EPHA5: variants seen among roughly 807,000 people sequenced by gnomAD.
EPHA5 encodes the protein ephrin type-A receptor 5.
A neutral mutation model predicts 105.0 loss-of-function variants in EPHA5; 60 were observed. The observed-to-expected ratio is 0.57, with a 90% CI of 0.46 to 0.71. The LOEUF (loss-of-function observed/expected upper bound fraction) is 0.71. EPHA5 is among the 30% of genes least tolerant of loss of function. The probability of loss-of-function intolerance (pLI) is 0.00; values close to 1 mark genes in which losing one functional copy is unlikely to be tolerated. For synonymous variants in EPHA5, 513 were observed against 449.1 expected, an observed-to-expected ratio of 1.14 and a Z score of -1.80; for missense variants, 1,218 against 1,274.7, an observed-to-expected ratio of 0.96 and a Z score of 0.68.
chr4:65,615,283 T>G (rs2149465980), intron 2 of EPHA5, among the ~76,000 whole-genome samples: 1 of 150,750 alleles, frequency 6.6e-6, no homozygotes, highest in East Asian at 1.9e-4. Flanking sequence ...ATTTAAAAAC[T>G]TAGGTAGAAA....
At chr4:65,630,962 T>TA (rs1356468426) in intron 2 of EPHA5, among the ~76,000 whole-genome samples, 1 of 152,160 alleles carries the variant, frequency 6.6e-6, no homozygotes, top group Non-Finnish European at 1.5e-5. Context: ...TTGGATGAAA[T>TA]ACTTCCTCTA....
intron 3 of EPHA5, among the ~76,000 whole-genome samples, chr4:65,519,535 A>G (rs925553167): frequency 1.1e-4 from 17 of 151,654 alleles, no homozygotes; most frequent in Non-Finnish European, 2.4e-4. Flanking sequence ...CAGGGCAATT[A>G]GGCAGGAGAA....
intron 7 of EPHA5, among the ~76,000 whole-genome samples, chr4:65,412,154 G>A (rs946374196): frequency 2.6e-5 from 4 of 152,182 alleles, no homozygotes; most frequent in Non-Finnish European, 4.4e-5. Context: ...CTTGAACTCA[G>A]GAGGTGGAGG....
At chr4:65,494,933 A>G (rs571136503) in intron 4 of EPHA5, among the ~76,000 whole-genome samples, 4 of 151,942 alleles carry the variant, frequency 2.6e-5, no homozygotes, top group African/African-American at 9.7e-5. Context: ...TAATTATGTG[A>G]TGGGAAAACT....
Position 65,323,552 on chromosome 4 carries a change from G to A in EPHA5, c.*562C>T. 2 of 230,038 alleles carry A rather than the reference G, an allele frequency of 8.7e-6. No individual in the cohort carries two copies. Among genetic ancestry groups the A allele is most frequent in the Non-Finnish European group, 8.6e-6 (1 of 116,034 alleles). 14.2% of individuals were successfully genotyped at this position (230,038 alleles called of 1,614,324 possible). ...GTACTTTTTCTTGATCAAGCAACAT[G>A]TTTACACACTAGTTTCTATAACTTA... On this transcript the variant is annotated 3_prime_UTR_variant, in exon 17 of 17. Coordinates refer to ENST00000613740, the MANE Select transcript of EPHA5 (RefSeq NM_001281766.3).
chr4:65,518,030 A>G (rs1176252018), intron 3 of EPHA5, among the ~76,000 whole-genome samples: 1 of 151,964 alleles, frequency 6.6e-6, no homozygotes, highest in African/African-American at 2.4e-5. Flanking sequence ...TTACAAAGTT[A>G]AGTGATAGTT....
chr4:65,442,415 G>T (rs11936282), intron 5 of EPHA5, among the ~76,000 whole-genome samples: 4,394 of 152,206 alleles, frequency 0.029, 205 homozygotes, highest in African/African-American at 0.099. Context: ...CATTGACCTT[G>T]AACTTCCCAG....
chr4:65,516,025 C>A (rs1734074108), intron 3 of EPHA5, among the ~76,000 whole-genome samples: 2 of 152,124 alleles, frequency 1.3e-5, no homozygotes, highest in South Asian at 4.1e-4. Context: ...GGTTCTCCAC[C>A]ATGCTTACAG....
At chr4:65,417,798 T>A (rs112329749) in intron 6 of EPHA5, among the ~76,000 whole-genome samples, 36 of 152,268 alleles carry the variant, frequency 2.4e-4, no homozygotes, top group African/African-American at 7.9e-4. Flanking sequence ...TCCCTACCAC[T>A]TGTTGAATAA....
At chr4:65,454,687 G>A (rs1057337980) in intron 5 of EPHA5, among the ~76,000 whole-genome samples, 2 of 152,154 alleles carry the variant, frequency 1.3e-5, no homozygotes, top group Non-Finnish European at 2.9e-5. Context: ...TTTGGAAATT[G>A]ATGCCTATTA....
At chr4:65,592,969 A>G (rs1324724658) in intron 3 of EPHA5, among the ~76,000 whole-genome samples, 1 of 152,224 alleles carries the variant, frequency 6.6e-6, no homozygotes, top group African/African-American at 2.4e-5. Flanking sequence ...GGTCAATAAG[A>G]AAAAGACAAG....
chr4:65,333,615 T>G (rs1720893975), intron 15 of EPHA5, among the ~76,000 whole-genome samples: 1 of 84,922 alleles, frequency 1.2e-5, no homozygotes, highest in Non-Finnish European at 2.5e-5. Flanking sequence ...CTGCTAGTCT[T>G]TTTTTTTTTT....
intron 3 of EPHA5, among the ~76,000 whole-genome samples, chr4:65,522,307 T>TATATATATATATATATATAC (rs1487241327): frequency 9.2e-6 from 1 of 108,814 alleles, no homozygotes; most frequent in East Asian, 3.6e-4. Flanking sequence ...TGTGTGTGTA[T>TATATATATATATATATATAC]ATATATATGT....
intron 8 of EPHA5, among the ~76,000 whole-genome samples, chr4:65,394,372 G>A (rs991819100): frequency 6.6e-5 from 10 of 152,164 alleles, no homozygotes; most frequent in East Asian, 3.8e-4. Context: ...AGGCCCTGAC[G>A]TCAGAGCTGG....
In EPHA5 at chr4:65,598,748, T is replaced by A. The variant is rs558127567; in HGVS notation, c.910+2893A>T. On this transcript the variant is annotated intron_variant, in intron 3 of 16. Coordinates refer to ENST00000613740, the MANE Select transcript of EPHA5 (RefSeq NM_001281766.3). ...GATTAGTGTATGTTAGATACAAGAA[T>A]AATCCATGCAAGAGAACATATTCTT... Among the ~76,000 whole-genome samples the A allele has an allele frequency of 3.3e-5, 5 of 152,194 alleles. No homozygotes were observed. The South Asian group carries it at 1.0e-3, about 32-fold the overall frequency.
At chr4:65,360,081 T>C (rs1717129206) in intron 11 of EPHA5, among the ~76,000 whole-genome samples, 1 of 151,618 alleles carries the variant, frequency 6.6e-6, no homozygotes, top group Non-Finnish European at 1.5e-5. Flanking sequence ...CCTCCAAATG[T>C]CTGTAAGGCC....
At chr4:65,522,233 G>A (rs912094534) in intron 3 of EPHA5, among the ~76,000 whole-genome samples, 1 of 150,910 alleles carries the variant, frequency 6.6e-6, no homozygotes, top group African/African-American at 2.5e-5. Context: ...GGGATTTCCT[G>A]CTTCTTCCCT....
chr4:65,397,257 G>A (rs547370687), intron 8 of EPHA5, among the ~76,000 whole-genome samples: 1 of 152,298 alleles, frequency 6.6e-6, no homozygotes, highest in Non-Finnish European at 1.5e-5. Context: ...CTGGACACTG[G>A]AGCTGGTCTT....
chr4:65,470,763 T>A (rs1003017192), intron 5 of EPHA5, among the ~76,000 whole-genome samples: 1 of 152,146 alleles, frequency 6.6e-6, no homozygotes, highest in Admixed American at 6.5e-5. Context: ...GACTTCACAG[T>A]TTTGAAGAAC....
Sources: gnomAD v4.1 joint callset for allele counts (sites outside exome capture counted in the v4.1 genomes callset) on GRCh38, gnomAD v4.1.1 for gene constraint, MANE v1.5 for transcripts, NCBI Gene and HGNC (gene_info 2026-07-23, HGNC 2026-07-21) for gene names.